SDK1: variants seen among roughly 807,000 people sequenced by gnomAD.
SDK1 encodes the protein sidekick cell adhesion molecule 1, also known as protein sidekick-1.
In SDK1, 157 loss-of-function variants were observed where a neutral mutation model predicts 245.5. The ratio of observed to expected loss-of-function variants is 0.64; its 90% CI spans 0.56 to 0.73. SDK1 has a LOEUF of 0.73. Ranked by LOEUF, SDK1 falls within the 30% of genes least tolerant of loss-of-function variation. The pLI is 0.00. For missense variants in SDK1, 3,583 were observed against 3,002.3 expected, an observed-to-expected ratio of 1.19 and a Z score of -4.52; for synonymous variants, 1,647 against 1,278.5, an observed-to-expected ratio of 1.29 and a Z score of -6.15.
chr7:4,179,794 A>C (rs1782484850), intron 35 of SDK1, among the ~76,000 whole-genome samples: 1 of 151,892 alleles, frequency 6.6e-6, no homozygotes, highest in Admixed American at 6.6e-5. Flanking sequence ...GACGGCGGCC[A>C]TGGCAGATTC....
At chr7:3,682,121 T>TA (rs1300657868) in intron 4 of SDK1, among the ~76,000 whole-genome samples, 2 of 152,214 alleles carry the variant, frequency 1.3e-5, no homozygotes, top group African/African-American at 4.8e-5. Flanking sequence ...ATTATGATGC[T>TA]AAAAATTACA....
chr7:3,416,830 A>T (rs1038411519), intron 1 of SDK1, among the ~76,000 whole-genome samples: 3 of 152,030 alleles, frequency 2.0e-5, no homozygotes, highest in Non-Finnish European at 4.4e-5. Context: ...TTATTTGTGG[A>T]TGTTATTTGT....
At chr7:3,563,336 G>T (rs540830258) in intron 1 of SDK1, among the ~76,000 whole-genome samples, 1 of 151,886 alleles carries the variant, frequency 6.6e-6, no homozygotes, top group Non-Finnish European at 1.5e-5. Flanking sequence ...CAGATGGGGC[G>T]GAAAAACAAG....
At chr7:3,918,189 C>T (rs758500420) in intron 5 of SDK1, among the ~76,000 whole-genome samples, 12 of 152,264 alleles carry the variant, frequency 7.9e-5, no homozygotes, top group South Asian at 2.1e-4. Flanking sequence ...CTCTCAACAC[C>T]GCGGTACCCT....
Position 3,719,244 on chromosome 7 carries a change from G to GT in SDK1, c.713+77157dup, listed in dbSNP as rs11290875. On this transcript the variant is annotated intron_variant, in intron 4 of 44. Coordinates refer to ENST00000404826, the MANE Select transcript of SDK1 (RefSeq NM_152744.4). ...TTTGGGGATCAGAAAACCCAGAAAG[G>GT]TTTTTTTTTTTTTTTTTTAAATATA... is the stretch of plus-strand genomic sequence containing the variant. 5.8e-3 allele frequency among the ~76,000 whole-genome samples: 785 copies of GT among 134,324 alleles called. 1 individual carries two copies. The highest frequency in any genetic ancestry group is 0.011 in the Middle Eastern group (3 of 270). The allele number at this position is 134,324 out of a possible 152,430, so 88.1% of individuals were successfully genotyped here.
At chr7:3,710,659 C>G (rs1328744720) in intron 4 of SDK1, among the ~76,000 whole-genome samples, 2 of 152,214 alleles carry the variant, frequency 1.3e-5, no homozygotes. Context: ...TCGTAAATTA[C>G]TCTTGCCATT....
At chr7:3,522,697 C>T (rs968762097) in intron 1 of SDK1, among the ~76,000 whole-genome samples, 5 of 151,924 alleles carry the variant, frequency 3.3e-5, no homozygotes, top group Non-Finnish European at 4.4e-5. Flanking sequence ...GTTGACAAAC[C>T]GGGGGACGTG....
At chr7:4,255,312 T>G (rs1787556420) in intron 44 of SDK1, among the ~76,000 whole-genome samples, 1 of 152,212 alleles carries the variant, frequency 6.6e-6, no homozygotes, top group South Asian at 2.1e-4. Context: ...AGCTGGAAGC[T>G]CTCTGTTCTT....
chr7:3,856,479 G>A (rs1453976898), intron 5 of SDK1, among the ~76,000 whole-genome samples: 1 of 63,648 alleles, frequency 1.6e-5, no homozygotes, highest in Non-Finnish European at 2.7e-5. Flanking sequence ...TTCAGGTAAT[G>A]TTAAAAAAAA....
chr7:3,614,808 C>G (rs895743368), intron 1 of SDK1, among the ~76,000 whole-genome samples: 1 of 151,852 alleles, frequency 6.6e-6, no homozygotes, highest in Non-Finnish European at 1.5e-5. Context: ...TTTTCCCTTC[C>G]CTTCTCCTTA....
At chr7:3,687,095 A>ACACACACC (rs1206872727) in intron 4 of SDK1, among the ~76,000 whole-genome samples, 1 of 145,926 alleles carries the variant, frequency 6.9e-6, no homozygotes, top group Non-Finnish European at 1.5e-5. Context: ...ACACACACAC[A>ACACACACC]CACACCACCC....
intron 4 of SDK1, among the ~76,000 whole-genome samples, chr7:3,757,784 C>T (rs570144202): frequency 9.2e-5 from 14 of 152,220 alleles, no homozygotes; most frequent in Non-Finnish European, 1.3e-4. Context: ...AATCGTTGGT[C>T]CTAGGTGATT....
At chr7:3,669,150 C>G (rs1046272692) in intron 4 of SDK1, among the ~76,000 whole-genome samples, 1 of 152,048 alleles carries the variant, frequency 6.6e-6, no homozygotes, top group Non-Finnish European at 1.5e-5. Context: ...GGTGGTAAAA[C>G]ATATTGGTTA....
chr7:3,904,607 T>C (rs1781899067), intron 5 of SDK1, among the ~76,000 whole-genome samples: 1 of 152,140 alleles, frequency 6.6e-6, no homozygotes, highest in Non-Finnish European at 1.5e-5. Flanking sequence ...ATGTGGAGGA[T>C]GGCTTCAGCC....
rs752708363 is a variant in SDK1 at position 4,149,367 on chromosome 7, G to A, written c.4529G>A (p.Arg1510Gln). 3.8e-6 allele frequency: 6 copies of A among 1,591,856 alleles called. No individual in the cohort carries two copies. Among genetic ancestry groups the A allele is most frequent in the Non-Finnish European group, 5.1e-6 (6 of 1,169,768 alleles). ...GGCAGCGACGGGGCCTCCCCCATCCGGTACTTCACCATGCAGGTGCGAGAG... is the reference window on the plus strand; with the variant it reads ...GGCAGCGACGGGGCCTCCCCCATCCAGTACTTCACCATGCAGGTGCGAGAG... The part of the protein sequence containing the change: ...VPGSDGASPI[R>Q]YFTMQVRELP... Residue 1510 changes from arginine to glutamine, a missense_variant, in exon 30 of 45, where the codon CGG becomes CAG. Arg to Gln is a conservative substitution (Grantham distance 43, BLOSUM62 1). Coordinates refer to ENST00000404826, the MANE Select transcript of SDK1 (RefSeq NM_152744.4).
At chr7:3,922,727 T>C (rs1169734001) in intron 5 of SDK1, among the ~76,000 whole-genome samples, 1 of 152,246 alleles carries the variant, frequency 6.6e-6, no homozygotes, top group Non-Finnish European at 1.5e-5. Flanking sequence ...TTTACTGGGC[T>C]GCAACTGTGG....
At chr7:3,732,435 C>T (rs1251234149) in intron 4 of SDK1, among the ~76,000 whole-genome samples, 4 of 152,188 alleles carry the variant, frequency 2.6e-5, no homozygotes, top group African/African-American at 7.2e-5. Context: ...AAACTTGACA[C>T]CATTAATTTC....
At chr7:4,168,647 T>C (rs1781644439) in intron 32 of SDK1, among the ~76,000 whole-genome samples, 1 of 152,192 alleles carries the variant, frequency 6.6e-6, no homozygotes, top group Admixed American at 6.5e-5. Context: ...TCCTGTCTTG[T>C]CTGTGCATCT....
At chr7:4,033,890 C>G (rs1036866402) in intron 17 of SDK1, among the ~76,000 whole-genome samples, 1 of 152,090 alleles carries the variant, frequency 6.6e-6, no homozygotes, top group African/African-American at 2.4e-5. Flanking sequence ...TCAGTGGGTG[C>G]TAGAACTAGT....
Sources: allele counts gnomAD v4.1 joint callset (sites outside exome capture counted in the v4.1 genomes callset), GRCh38; gene constraint gnomAD v4.1.1; transcripts MANE v1.5; gene names NCBI Gene and HGNC (gene_info 2026-07-23, HGNC 2026-07-21).